Variants in HIC1 observed in about 807,000 individuals in gnomAD.
HIC1 encodes hypermethylated in cancer 1 protein.
A neutral mutation model predicts 26.4 loss-of-function variants in HIC1; 9 were observed. The observed-to-expected ratio is 0.34, with a 90% confidence interval of 0.21 to 0.59. The LOEUF (loss-of-function observed/expected upper bound fraction) is 0.59. HIC1 is among the 20% of genes least tolerant of loss of function. The probability of loss-of-function intolerance (pLI) is 0.82; values close to 1 mark genes in which losing one functional copy is unlikely to be tolerated. For synonymous variants in HIC1, 631 were observed against 523.1 expected (o/e 1.21, Z -2.81); for missense variants, 965 against 1,075.7 (o/e 0.90, Z 1.44).
chr17:2,058,936 C>A lies in HIC1; in HGVS notation c.*101C>A. On this transcript the variant is annotated 3_prime_UTR_variant, in exon 2 of 2. Transcript: ENST00000619757. ...GCAGGGCCCACTGTGCCCGGGACAA[C>A]CGCAGCGTCGCCACAGTGGCGGCTC... The A allele has an allele frequency of 9.2e-7, 1 of 1,082,372 alleles. No homozygotes were observed. The highest frequency in any genetic ancestry group is 1.2e-6 in the Non-Finnish European group (1 of 806,412). 67.0% of individuals were successfully genotyped at this position (1,082,372 alleles called of 1,614,324 possible).
Position 2,058,160 on chromosome 17 carries a change from C to T in HIC1, c.1470C>T (p.Cys490=), listed in dbSNP as rs1365452604. 3 of 1,609,266 alleles carry T rather than the reference C, an allele frequency of 1.9e-6. No homozygotes were observed. Among genetic ancestry groups the T allele is most frequent in the South Asian group, 1.1e-5 (1 of 91,018 alleles). ...GLGELLRPYR[C]ASCDKSYKDP... Reference sequence around the variant, plus strand: ...GAGAGCTGCTGCGGCCCTACCGCTGCGCGTCGTGCGACAAGAGCTACAAGG... The same window carrying T: ...GAGAGCTGCTGCGGCCCTACCGCTGTGCGTCGTGCGACAAGAGCTACAAGG... Residue 490 remains cysteine, a synonymous_variant, in exon 2 of 2, where the codon TGC becomes TGT. Coordinates refer to ENST00000619757, the MANE Select transcript of HIC1 (RefSeq NM_006497.4).
In HIC1 at chr17:2,058,779, G is replaced by A; in HGVS notation, c.2089G>A (p.Ala697Thr). The change falls in exon 2 of 2, where the codon GCT becomes ACT. Residue 697 changes from alanine to threonine, a missense_variant. By Grantham distance (58) the Ala-to-Thr change is moderately conservative. This residue lies in a region of HIC1 where 210 missense variants were observed against 179.2 expected (regional missense o/e 1.17). Coordinates refer to ENST00000619757, the MANE Select transcript of HIC1 (RefSeq NM_006497.4). ...DKAAEVLSQGAHLAAGPDGRT... is the reference protein window; with the variant it reads ...DKAAEVLSQGTHLAAGPDGRT... The stretch of plus-strand genomic sequence containing the variant: ...GGCGGCCGAGGTGCTGAGCCAGGGC[G>A]CTCACCTGGCGGCCGGGCCCGACGG... 1.3e-6 allele frequency: 2 copies of A among 1,512,236 alleles called. No individual in the cohort carries two copies. Among genetic ancestry groups the A allele is most frequent in the African/African-American group, 1.4e-5 (1 of 69,568 alleles). The allele number at this position is 1,512,236 out of a possible 1,614,324, so 93.7% of individuals were successfully genotyped here.
Position 2,055,637 on chromosome 17 carries a change from G to A in HIC1, c.-21+399G>A, listed in dbSNP as rs942709118. Among the ~76,000 whole-genome samples, 2 of 150,072 alleles carry A rather than the reference G, an allele frequency of 1.3e-5. No individual in the cohort carries two copies. The highest frequency in any genetic ancestry group is 4.9e-5 in the African/African-American group (2 of 40,864). On this transcript the variant is annotated intron_variant, in intron 1 of 1. Transcript: ENST00000619757. The surrounding 1 kb of genome is among the most constrained non-coding windows in gnomAD (Gnocchi z 6.4). ...CCGCCGGGACCGCAGGTAACGGGCC[G>A]CGGGGCCCCGCGGGCCAGGAGGGGA...
chr17:2,056,555 G>A (rs1266795549), intron 1 of HIC1, 116 bp from the exon 2 acceptor site: 1 of 1,419,290 alleles, frequency 7.0e-7, no homozygotes. Context: ...CCAGGCCGCA[G>A]GGCTGATGCC....
chr17:2,057,851 C>A lies in HIC1; in HGVS notation c.1161C>A (p.Ser387Arg). The change falls in exon 2 of 2, where the codon AGC becomes AGA. Residue 387 changes from serine (S) to arginine (R), a missense_variant. By Grantham distance (110) the Ser-to-Arg change is moderately radical. Around this residue, in one of 6 missense-constraint regions of HIC1, gnomAD observed 526 missense variants for 525.0 expected, o/e 1.00. Transcript: ENST00000619757. ...GCAGCAGCGAGGAGACCGGTAGCAG[C>A]GAGGACCCCAGCCCGCCTGGCGGCC... ...YKSSSEETGS[S>R]EDPSPPGGHL... The A allele has an allele frequency of 6.3e-7, 1 of 1,587,018 alleles. No individual in the cohort carries two copies.
Position 2,058,955 on chromosome 17 carries a change from G to C in HIC1, c.*120G>C, listed in dbSNP as rs2067705154. The C allele has an allele frequency of 2.1e-6, 2 of 932,576 alleles. No homozygotes were observed. Among genetic ancestry groups the C allele is most frequent in the African/African-American group, 3.5e-5 (2 of 56,630 alleles). The allele number at this position is 932,576 out of a possible 1,614,324, so 57.8% of individuals were successfully genotyped here. A position where few individuals can be genotyped will look rare whatever the true frequency, so the allele number is the denominator to read the frequency against. On this transcript the variant is annotated 3_prime_UTR_variant, in exon 2 of 2. Coordinates refer to ENST00000619757, the MANE Select transcript of HIC1 (RefSeq NM_006497.4). ...GGACAACCGCAGCGTCGCCACAGTG[G>C]CGGCTCCACCTCTCGGCGGCCTCAC...
chr17:2,056,281 C>T (rs1377065683), intron 1 of HIC1: 3 of 1,606,240 alleles, frequency 1.9e-6, no homozygotes, highest in Admixed American at 1.7e-5. Context: ...CTCCCTTTCT[C>T]CCTACTTGGG....
In HIC1 at chr17:2,055,447, G is replaced by A. The variant is rs1007320507; in HGVS notation, c.-21+209G>A. ...TTCACGGCGGGGTCAGCGGCCCGGG[G>A]CCGGCTCTGCCCGCACATGGGCTGG... is the stretch of plus-strand genomic sequence containing the variant. On this transcript the variant is annotated intron_variant, in intron 1 of 1. Transcript: ENST00000619757. This position sits in a 1 kb window ranked among gnomAD's most constrained non-coding sequence, Gnocchi z 6.4. Among the ~76,000 whole-genome samples the A allele has an allele frequency of 1.3e-5, 2 of 152,066 alleles. No individual in the cohort carries two copies. The highest frequency in any genetic ancestry group is 6.5e-5 in the Admixed American group (1 of 15,278).
chr17:2,058,124 G>C lies in HIC1; in HGVS notation c.1434G>C (p.Pro478=). ...GGGGDKVAGA[P]GGLGELLRPY... is the part of the protein sequence containing the mutation. ...GCGGGGACAAGGTCGCCGGGGCTCC[G>C]GGTGGCCTGGGAGAGCTGCTGCGGC... The change falls in exon 2 of 2, where the codon CCG becomes CCC. Residue 478 remains proline (P), a synonymous_variant. Coordinates refer to ENST00000619757, the MANE Select transcript of HIC1 (RefSeq NM_006497.4). The C allele has an allele frequency of 1.9e-6, 3 of 1,602,314 alleles. No homozygotes were observed. The highest frequency in any genetic ancestry group is 2.2e-5 in the East Asian group (1 of 44,510).
Position 2,063,163 on chromosome 17 carries a change from C to T in HIC1, c.*4328C>T, listed in dbSNP as rs1048483. The T allele has an allele frequency of 0.43, 65,857 of 152,060 alleles. 15,054 individuals are homozygous for T. Among genetic ancestry groups the T allele is most frequent in the Admixed American group, 0.51 (7,862 of 15,274 alleles). The allele number at this position is 152,060 out of a possible 1,614,324, so 9.4% of individuals were successfully genotyped here. On this transcript the variant is annotated 3_prime_UTR_variant, in exon 2 of 2. Transcript: ENST00000619757. The stretch of plus-strand genomic sequence containing the variant: ...CAGGCCTTAGGTCAGCTAACCAAGG[C>T]CCGACATTGCTGGCAGGGGTCTGCA...
rs1214053453 is a variant in HIC1, at chr17:2,061,172, T to C, written c.*2337T>C. 1 of 268,106 alleles carries C rather than the reference T, an allele frequency of 3.7e-6. No homozygotes were observed. The highest frequency in any genetic ancestry group is 7.4e-6 in the Non-Finnish European group (1 of 135,434). The allele number at this position is 268,106 out of a possible 1,614,324, so 16.6% of individuals were successfully genotyped here. ...AGGCGAGAAGGCCCTCCCTCAGCCTTGGAATGAGACGGGGGAGGGAGAAAG... is the reference window on the plus strand; with the variant it reads ...AGGCGAGAAGGCCCTCCCTCAGCCTCGGAATGAGACGGGGGAGGGAGAAAG... On this transcript the variant is annotated 3_prime_UTR_variant, in exon 2 of 2. Coordinates refer to ENST00000619757, the MANE Select transcript of HIC1 (RefSeq NM_006497.4).
chr17:2,056,304 C>T, intron 1 of HIC1: 1 of 1,612,892 alleles, frequency 6.2e-7, no homozygotes, highest in Non-Finnish European at 8.5e-7. Flanking sequence ...AAGTTCTCCG[C>T]CCTGAATGAC....
At position 2,057,745 on chromosome 17, in the gene HIC1, C is replaced by T; in HGVS notation, c.1055C>T (p.Pro352Leu). 1.4e-6 allele frequency: 2 copies of T among 1,387,814 alleles called. No homozygotes were observed. Among genetic ancestry groups the T allele is most frequent in the Non-Finnish European group, 1.9e-6 (2 of 1,079,706 alleles). The allele number at this position is 1,387,814 out of a possible 1,614,324, so 86.0% of individuals were successfully genotyped here. A position where few individuals can be genotyped will look rare whatever the true frequency, so the allele number is the denominator to read the frequency against. Residue 352 changes from proline to leucine, a missense_variant, in exon 2 of 2, where the codon CCG becomes CTG. By Grantham distance (98) the Pro-to-Leu change is moderately conservative (BLOSUM62 -3). Coordinates refer to ENST00000619757, the MANE Select transcript of HIC1 (RefSeq NM_006497.4). Reference protein sequence around the residue: ...GDAAVSPGGPPLGLAPPPRYP... With the variant: ...GDAAVSPGGPLLGLAPPPRYP... ...GCGGCCGTCTCGCCCGGGGGGCCCC[C>T]GCTCGGCCTGGCGCCGCCGCCGCGC...
In HIC1 at chr17:2,061,657, G is replaced by T; in HGVS notation, c.*2822G>T. 6.4e-7 allele frequency: 1 copy of T among 1,555,852 alleles called. No individual in the cohort carries two copies. ...TGAGAGAGCAGAAGGCTGTCACTGA[G>T]GACAGGAGGCAGAGGGCTGGCTGCT... On this transcript the variant is annotated 3_prime_UTR_variant, in exon 2 of 2. Coordinates refer to ENST00000619757, the MANE Select transcript of HIC1 (RefSeq NM_006497.4).
Position 2,061,603 on chromosome 17 carries a change from C to T in HIC1, c.*2768C>T. 6.4e-7 allele frequency: 1 copy of T among 1,572,284 alleles called. No homozygotes were observed. Among genetic ancestry groups the T allele is most frequent in the Non-Finnish European group, 8.6e-7 (1 of 1,158,512 alleles). ...CATCCGTCAACAGCACCACCTCCCG[C>T]AGTAGCCGGATTGGCTCCTCTGTGG... On this transcript the variant is annotated 3_prime_UTR_variant, in exon 2 of 2. Transcript: ENST00000619757.
chr17:2,057,902 C>T lies in HIC1; in HGVS notation c.1212C>T (p.His404=). The change falls in exon 2 of 2, where the codon CAC becomes CAT. Residue 404 remains histidine, a synonymous_variant. Coordinates refer to ENST00000619757, the MANE Select transcript of HIC1 (RefSeq NM_006497.4). ...GGHLEGYPCP[H]LAYGEPESFG... The stretch of plus-strand genomic sequence containing the variant: ...ACCTCGAGGGCTACCCATGCCCGCA[C>T]CTGGCCTATGGCGAGCCCGAGAGCT... 6.2e-7 allele frequency: 1 copy of T among 1,606,270 alleles called. No homozygotes were observed. Among genetic ancestry groups the T allele is most frequent in the South Asian group, 1.1e-5 (1 of 89,936 alleles).
At position 2,055,116 on chromosome 17, in the gene HIC1, G is replaced by A. The variant is rs1252934929; in HGVS notation, c.-143G>A. Reference sequence around the variant, plus strand: ...CGCGGCGGGGCTGAGACGCGACCAGGACGCGGGGAGGACGGACCAGCAGGA... The same window carrying A: ...CGCGGCGGGGCTGAGACGCGACCAGAACGCGGGGAGGACGGACCAGCAGGA... On this transcript the variant is annotated 5_prime_UTR_variant, in exon 1 of 2. Coordinates refer to ENST00000619757, the MANE Select transcript of HIC1 (RefSeq NM_006497.4). This position sits in a 1 kb window ranked among gnomAD's most constrained non-coding sequence, Gnocchi z 6.4. 6.6e-6 allele frequency: 1 copy of A among 152,224 alleles called. No individual in the cohort carries two copies. 9.4% of individuals were successfully genotyped at this position (152,224 alleles called of 1,614,324 possible).
rs1567555773 is a variant in HIC1, at chr17:2,055,707, G to C, written c.-21+469G>C. On this transcript the variant is annotated intron_variant, in intron 1 of 1. Coordinates refer to ENST00000619757, the MANE Select transcript of HIC1 (RefSeq NM_006497.4). This position sits in a 1 kb window ranked among gnomAD's most constrained non-coding sequence, Gnocchi z 6.4. ...CAGCGGGCAGGGGAGCTCAGGGCTC[G>C]GCTCCGGGCTCTGCCGCCGGATTTG... 6.6e-6 allele frequency among the ~76,000 whole-genome samples: 1 copy of C among 151,648 alleles called. No individual in the cohort carries two copies. Among genetic ancestry groups the C allele is most frequent in the Non-Finnish European group, 1.5e-5 (1 of 67,826 alleles).
chr17:2,061,520 G>T lies in HIC1; in HGVS notation c.*2685G>T, dbSNP rs1461055989. 6.3e-7 allele frequency: 1 copy of T among 1,575,348 alleles called. No individual in the cohort carries two copies. Among genetic ancestry groups the T allele is most frequent in the Non-Finnish European group, 8.6e-7 (1 of 1,160,618 alleles). On this transcript the variant is annotated 3_prime_UTR_variant, in exon 2 of 2. Coordinates refer to ENST00000619757, the MANE Select transcript of HIC1 (RefSeq NM_006497.4). ...GCCCACCTGGGCCCACGTGAGGAAG[G>T]CTGGGATGTCCCGTACAGGAACATT...
Sources: allele counts gnomAD v4.1 joint callset (sites outside exome capture counted in the v4.1 genomes callset), GRCh38; gene constraint gnomAD v4.1.1; regional missense constraint gnomAD v4.1.1; non-coding constraint Gnocchi (gnomAD v3.1); transcripts MANE v1.5; gene names NCBI Gene and HGNC (gene_info 2026-07-23, HGNC 2026-07-21).